LDLRAD3: variants seen among roughly 807,000 people sequenced by gnomAD.
The protein encoded by LDLRAD3 is low density lipoprotein receptor class A domain containing 3, also known as low-density lipoprotein receptor class A domain-containing protein 3.
In LDLRAD3, 20 loss-of-function variants were observed where a neutral mutation model predicts 29.4. The observed-to-expected ratio is 0.68, with a 90% CI of 0.48 to 0.99. The LOEUF is 0.99. Ranked by LOEUF, LDLRAD3 falls within the 50% of genes least tolerant of loss-of-function variation. The pLI is 0.00. For synonymous variants in LDLRAD3, 157 were observed against 192.7 expected, an observed-to-expected ratio of 0.81 and a Z score of 1.53; for missense variants, 420 against 454.3, an observed-to-expected ratio of 0.92 and a Z score of 0.69.
At chr11:35,986,210 T>G (rs1851613294) in intron 1 of LDLRAD3, among the ~76,000 whole-genome samples, 1 of 152,148 alleles carries the variant, frequency 6.6e-6, no homozygotes, top group South Asian at 2.1e-4. Context: ...GCTGATTATC[T>G]CTAGGAAGAG....
At chr11:35,990,456 C>T (rs753162952) in intron 1 of LDLRAD3, among the ~76,000 whole-genome samples, 1 of 151,856 alleles carries the variant, frequency 6.6e-6, no homozygotes, top group Non-Finnish European at 1.5e-5. Flanking sequence ...CTCGCTCTGT[C>T]ACCCAGGCTG....
At chr11:36,047,215 C>T (rs939041830) in intron 2 of LDLRAD3, among the ~76,000 whole-genome samples, 1 of 152,128 alleles carries the variant, frequency 6.6e-6, no homozygotes, top group Non-Finnish European at 1.5e-5. Flanking sequence ...AATTAGTTGT[C>T]GGTGTTTATA....
Position 36,043,423 on chromosome 11 carries a change from G to A in LDLRAD3, c.193+7174G>A, listed in dbSNP as rs182614852. Among the ~76,000 whole-genome samples, 128 of 152,334 alleles carry A rather than the reference G, an allele frequency of 8.4e-4. 1 individual carries two copies. Among genetic ancestry groups the A allele is most frequent in the African/African-American group, 2.9e-3 (121 of 41,568 alleles). Reference sequence around the variant, plus strand: ...ATTTTTTTCCTTTAACAATTTGCAAGTAAGAATCTCACTGTTATGGGTCAA... The same window carrying A: ...ATTTTTTTCCTTTAACAATTTGCAAATAAGAATCTCACTGTTATGGGTCAA... On this transcript the variant is annotated intron_variant, in intron 2 of 5. Coordinates refer to ENST00000315571, the MANE Select transcript of LDLRAD3 (RefSeq NM_174902.4).
At chr11:36,035,219 A>G (rs1213891914) in intron 1 of LDLRAD3, among the ~76,000 whole-genome samples, 1 of 149,410 alleles carries the variant, frequency 6.7e-6, no homozygotes, top group Non-Finnish European at 1.5e-5. Flanking sequence ...TCTTTTACTC[A>G]CATGGCTCCT....
intron 1 of LDLRAD3, among the ~76,000 whole-genome samples, chr11:36,000,361 T>C (rs1359403599): frequency 6.6e-6 from 1 of 151,456 alleles, no homozygotes; most frequent in Non-Finnish European, 1.5e-5. Flanking sequence ...TTGAAATGTA[T>C]GTGGTAAAAG....
chr11:36,101,230 C>T (rs1853442395), intron 4 of LDLRAD3, among the ~76,000 whole-genome samples: 1 of 152,148 alleles, frequency 6.6e-6, no homozygotes, highest in Non-Finnish European at 1.5e-5. Context: ...AAGGTGCCCA[C>T]TTGTGGAAGG....
intron 4 of LDLRAD3, among the ~76,000 whole-genome samples, chr11:36,120,239 T>C (rs1460439062): frequency 6.6e-6 from 1 of 152,226 alleles, no homozygotes; most frequent in Non-Finnish European, 1.5e-5. Context: ...GCCGAAGCTG[T>C]ATGATGATGT....
chr11:36,107,288 C>G (rs1042619706), intron 4 of LDLRAD3, among the ~76,000 whole-genome samples: 2 of 151,956 alleles, frequency 1.3e-5, no homozygotes, highest in Non-Finnish European at 2.9e-5. Flanking sequence ...GCAACCTCCA[C>G]CTCCCAGGTT....
intron 3 of LDLRAD3, among the ~76,000 whole-genome samples, chr11:36,091,871 C>T (rs1403285843): frequency 6.6e-6 from 1 of 152,166 alleles, no homozygotes; most frequent in Non-Finnish European, 1.5e-5. Context: ...TTTACTATTT[C>T]CAGGGTCCTG....
chr11:36,123,595 T>C (rs1853792135), intron 4 of LDLRAD3, among the ~76,000 whole-genome samples: 1 of 152,262 alleles, frequency 6.6e-6, no homozygotes, highest in South Asian at 2.1e-4. Flanking sequence ...CCAGAGAGGC[T>C]GCAAGGTGGC....
At chr11:36,069,684 A>G (rs192992696) in intron 2 of LDLRAD3, among the ~76,000 whole-genome samples, 1 of 151,298 alleles carries the variant, frequency 6.6e-6, no homozygotes, top group Admixed American at 6.6e-5. Flanking sequence ...TTTTGCGTAT[A>G]TGAGAAGCTT....
At chr11:36,168,859 T>C (rs556011536) in intron 4 of LDLRAD3, among the ~76,000 whole-genome samples, 35 of 152,248 alleles carry the variant, frequency 2.3e-4, no homozygotes, top group Middle Eastern at 6.8e-3. Flanking sequence ...CTCTAATTCA[T>C]CAAATTAAGA....
At position 36,231,116 on chromosome 11, in the gene LDLRAD3, C is replaced by T. The variant is rs568702062; in HGVS notation, c.*1719C>T. 3 of 152,760 alleles carry T rather than the reference C, an allele frequency of 2.0e-5. No homozygotes were observed. In the South Asian group the frequency reaches 6.2e-4, roughly 32 times the overall value. 9.5% of individuals were successfully genotyped at this position (152,760 alleles called of 1,614,324 possible). A position where few individuals can be genotyped will look rare whatever the true frequency, so the allele number is the denominator to read the frequency against. Reference sequence around the variant, plus strand: ...GGCAGCTGTCACCCATTCAGAACTTCTTTCCGCAGCTGAAGAAATGTTCAG... The same window carrying T: ...GGCAGCTGTCACCCATTCAGAACTTTTTTCCGCAGCTGAAGAAATGTTCAG... On this transcript the variant is annotated 3_prime_UTR_variant, in exon 6 of 6. Transcript: ENST00000315571.
At chr11:36,044,898 T>A (rs1389031312) in intron 2 of LDLRAD3, among the ~76,000 whole-genome samples, 3 of 152,220 alleles carry the variant, frequency 2.0e-5, no homozygotes, top group Non-Finnish European at 4.4e-5. Flanking sequence ...CCTGCACAAT[T>A]AAACACCTAA....
intron 2 of LDLRAD3, among the ~76,000 whole-genome samples, chr11:36,045,598 C>T (rs1590224075): frequency 6.6e-6 from 1 of 152,122 alleles, no homozygotes; most frequent in Non-Finnish European, 1.5e-5. Context: ...CCAAATCTCA[C>T]CTTGAATTGT....
intron 1 of LDLRAD3, among the ~76,000 whole-genome samples, chr11:35,978,980 G>A (rs1851507823): frequency 6.6e-6 from 1 of 152,182 alleles, no homozygotes; most frequent in South Asian, 2.1e-4. Context: ...ATTTGCAAAG[G>A]ATTCTTTAAT....
intron 4 of LDLRAD3, among the ~76,000 whole-genome samples, chr11:36,172,040 G>A (rs58225189): frequency 0.02 from 3,021 of 152,152 alleles, 96 homozygotes; most frequent in African/African-American, 0.064. Context: ...CATGTTCTTG[G>A]TTAGGTATAT....
chr11:36,192,630 A>G (rs1854971267), intron 4 of LDLRAD3, among the ~76,000 whole-genome samples: 2 of 152,166 alleles, frequency 1.3e-5, no homozygotes, highest in Admixed American at 6.5e-5. Flanking sequence ...TGTGCAGGAT[A>G]AGAATTCATT....
chr11:36,159,677 G>A (rs966812202), intron 4 of LDLRAD3, among the ~76,000 whole-genome samples: 1 of 151,080 alleles, frequency 6.6e-6, no homozygotes, highest in African/African-American at 2.4e-5. Context: ...GGAAGCTGAG[G>A]TGGGAGGATT....
Sources: allele counts gnomAD v4.1 joint callset (sites outside exome capture counted in the v4.1 genomes callset), GRCh38; gene constraint gnomAD v4.1.1; transcripts MANE v1.5; gene names NCBI Gene and HGNC (gene_info 2026-07-23, HGNC 2026-07-21).